The following ZNF385D variants were observed in gnomAD, a reference collection of about 807,000 sequenced individuals.
The protein encoded by ZNF385D is zinc finger protein 385D.
ZNF385D carries 15 observed loss-of-function variants against 35.8 expected under a neutral mutation model. That is an observed-to-expected ratio of 0.42 (90% confidence interval 0.28 to 0.64). The LOEUF (loss-of-function observed/expected upper bound fraction) is 0.64. ZNF385D is among the 30% of genes least tolerant of loss of function. The probability of loss-of-function intolerance (pLI) is 0.23; values close to 1 mark genes in which losing one functional copy is unlikely to be tolerated. For missense variants in ZNF385D, 474 were observed against 494.6 expected, an observed-to-expected ratio of 0.96 and a Z score of 0.39; for synonymous variants, 212 against 186.8, an observed-to-expected ratio of 1.13 and a Z score of -1.10.
At chr3:22,358,139 G>A (rs1196173533) in intron 2 of ZNF385D, among the ~76,000 whole-genome samples, 1 of 151,848 alleles carries the variant, frequency 6.6e-6, no homozygotes, top group Non-Finnish European at 1.5e-5. Context: ...GCATGTTCAA[G>A]AAGTAATACT....
chr3:21,965,287 T>G (rs984566012), intron 3 of ZNF385D, among the ~76,000 whole-genome samples: 2 of 152,188 alleles, frequency 1.3e-5, no homozygotes, highest in Non-Finnish European at 2.9e-5. Flanking sequence ...ATGCATCAAA[T>G]GAATGCCACA....
intron 2 of ZNF385D, among the ~76,000 whole-genome samples, chr3:22,185,526 A>AGTG (rs1695571016): frequency 6.6e-6 from 1 of 152,054 alleles, no homozygotes; most frequent in Non-Finnish European, 1.5e-5. Context: ...GCTGGAGTGC[A>AGTG]GTGCGATCTT....
At chr3:22,132,144 G>C (rs992095307) in intron 3 of ZNF385D, among the ~76,000 whole-genome samples, 11 of 152,106 alleles carry the variant, frequency 7.2e-5, no homozygotes, top group African/African-American at 2.7e-4. Flanking sequence ...ATATTCATTT[G>C]TTGAAATCTT....
chr3:21,671,653 AAAAAC>A (rs1272625699), intron 1 of ZNF385D, among the ~76,000 whole-genome samples: 5 of 152,190 alleles, frequency 3.3e-5, no homozygotes, highest in Admixed American at 6.6e-5. Context: ...ACAATATGAT[AAAAAC>A]AAAACAAAAC....
intron 3 of ZNF385D, among the ~76,000 whole-genome samples, chr3:21,810,145 A>T (rs530061807): frequency 1.3e-5 from 2 of 150,370 alleles, no homozygotes; most frequent in Admixed American, 6.6e-5. Flanking sequence ...ATAATCAATA[A>T]AATATTAACA....
intron 3 of ZNF385D, among the ~76,000 whole-genome samples, chr3:22,097,054 T>A (rs891371049): frequency 6.6e-6 from 1 of 152,106 alleles, no homozygotes; most frequent in Non-Finnish European, 1.5e-5. Flanking sequence ...TAGGAGAAAG[T>A]GACTGCATTA....
At chr3:21,686,288 T>C (rs1293233429) in intron 1 of ZNF385D, among the ~76,000 whole-genome samples, 2 of 152,210 alleles carry the variant, frequency 1.3e-5, no homozygotes, top group Non-Finnish European at 2.9e-5. Context: ...TTTAGGTTGC[T>C]ATAATTATTT....
At chr3:22,098,341 T>G (rs906821525) in intron 3 of ZNF385D, among the ~76,000 whole-genome samples, 2 of 152,036 alleles carry the variant, frequency 1.3e-5, no homozygotes, top group Admixed American at 6.6e-5. Context: ...TTCAAGAACT[T>G]TAAGTGTATG....
chr3:21,715,337 G>C (rs1431075835), intron 1 of ZNF385D, among the ~76,000 whole-genome samples: 3 of 151,920 alleles, frequency 2.0e-5, no homozygotes, highest in African/African-American at 7.3e-5. Context: ...GTATGGGTGA[G>C]ACCATGTGAT....
chr3:21,983,438 G>A (rs1189798561), intron 3 of ZNF385D, among the ~76,000 whole-genome samples: 1 of 109,640 alleles, frequency 9.1e-6, no homozygotes, highest in African/African-American at 3.3e-5. Flanking sequence ...TCTTGCGATA[G>A]TTTACTGAGA....
At chr3:21,587,557 A>G (rs931670384) in intron 2 of ZNF385D, among the ~76,000 whole-genome samples, 4 of 152,220 alleles carry the variant, frequency 2.6e-5, no homozygotes, top group Admixed American at 2.6e-4. Context: ...GAATTAGTTC[A>G]TATTAGGAAC....
chr3:21,810,591 A>G (rs1357992452), intron 3 of ZNF385D, among the ~76,000 whole-genome samples: 1 of 152,110 alleles, frequency 6.6e-6, no homozygotes, highest in African/African-American at 2.4e-5. Flanking sequence ...TAAAATATAA[A>G]CCAAAACTAA....
chr3:21,925,252 T>C (rs1220229466), intron 3 of ZNF385D, among the ~76,000 whole-genome samples: 1 of 152,172 alleles, frequency 6.6e-6, no homozygotes, highest in African/African-American at 2.4e-5. Flanking sequence ...AGACTTTCTA[T>C]ATAGCTATGA....
intron 3 of ZNF385D, among the ~76,000 whole-genome samples, chr3:22,039,276 GTC>G: frequency 7.1e-6 from 1 of 140,534 alleles, no homozygotes; most frequent in Non-Finnish European, 1.5e-5. Context: ...AAAAAAAAGA[GTC>G]TATGTATAAG....
At chr3:21,626,516 C>G (rs1429455220) in intron 2 of ZNF385D, among the ~76,000 whole-genome samples, 1 of 152,012 alleles carries the variant, frequency 6.6e-6, no homozygotes, top group Non-Finnish European at 1.5e-5. Flanking sequence ...TGGGATGTTC[C>G]TGTCTGATTT....
chr3:22,229,826 T>A (rs1559466531), intron 2 of ZNF385D, among the ~76,000 whole-genome samples: 3 of 152,126 alleles, frequency 2.0e-5, no homozygotes, highest in Non-Finnish European at 4.4e-5. Context: ...ATGCTGCTTA[T>A]CCCGTACCCT....
At chr3:21,928,507 G>T (rs981140531) in intron 3 of ZNF385D, among the ~76,000 whole-genome samples, 3 of 152,116 alleles carry the variant, frequency 2.0e-5, no homozygotes, top group Non-Finnish European at 4.4e-5. Context: ...ACTCTCCACT[G>T]AGCAACCGCA....
chr3:21,740,576 A>T (rs901843363), intron 1 of ZNF385D, among the ~76,000 whole-genome samples: 1 of 152,150 alleles, frequency 6.6e-6, no homozygotes, highest in African/African-American at 2.4e-5. Flanking sequence ...AGGGATGTTC[A>T]CTGTGGAAAC....
intron 3 of ZNF385D, among the ~76,000 whole-genome samples, chr3:21,996,915 G>T (rs956469227): frequency 3.9e-5 from 6 of 152,076 alleles, no homozygotes; most frequent in Non-Finnish European, 8.8e-5. Context: ...TGGCATCCTT[G>T]TCAACTGATA....
Sources: gnomAD v4.1 joint callset for allele counts (sites outside exome capture counted in the v4.1 genomes callset) on GRCh38, gnomAD v4.1.1 for gene constraint, MANE v1.5 for transcripts, NCBI Gene and HGNC (gene_info 2026-07-23, HGNC 2026-07-21) for gene names.